Variants in EFR3A observed in about 807,000 individuals in gnomAD.
EFR3A encodes protein EFR3 homolog A.
EFR3A carries 76 observed loss-of-function variants against 104.4 expected under a neutral mutation model. The ratio of observed to expected loss-of-function variants is 0.73; its 90% confidence interval spans 0.60 to 0.88. The LOEUF (loss-of-function observed/expected upper bound fraction) is 0.88, where lower values mean the gene tolerates loss of function less well. Ranked by LOEUF, EFR3A falls within the 40% of genes least tolerant of loss-of-function variation. The probability of loss-of-function intolerance (pLI) is 0.00; values close to 1 mark genes in which losing one functional copy is unlikely to be tolerated. For missense variants in EFR3A, 985 were observed against 1,012.5 expected, an observed-to-expected ratio of 0.97 and a Z score of 0.37; for synonymous variants, 330 against 330.0, an observed-to-expected ratio of 1.00 and a Z score of 0.00.
chr8:131,975,412 A>ATTTTTTTTT (rs5895119), intron 10 of EFR3A, among the ~76,000 whole-genome samples: 1 of 111,158 alleles, frequency 9.0e-6, no homozygotes, highest in Non-Finnish European at 1.7e-5. Flanking sequence ...TTTTTTTCCT[A>ATTTTTTTTT]TTTTTTTTTT....
intron 6 of EFR3A, 74 bp from the exon 7 acceptor site, chr8:131,955,694 A>G (rs1818940514): frequency 6.8e-7 from 1 of 1,479,436 alleles, no homozygotes. Context: ...ATTTCTAAAA[A>G]GTAAAGTATA....
intron 1 of EFR3A, among the ~76,000 whole-genome samples, chr8:131,914,058 T>C (rs560306410): frequency 6.6e-6 from 1 of 152,282 alleles, no homozygotes; most frequent in South Asian, 2.1e-4. Context: ...TTTATGAACA[T>C]GTTGTTAGAA....
chr8:131,977,867 G>A (rs1202963858), intron 12 of EFR3A, among the ~76,000 whole-genome samples: 1 of 151,810 alleles, frequency 6.6e-6, no homozygotes, highest in Non-Finnish European at 1.5e-5. Flanking sequence ...TTTTTCATTT[G>A]TATCTTATAT....
chr8:131,921,694 T>C (rs576257188), intron 1 of EFR3A, among the ~76,000 whole-genome samples: 29 of 152,118 alleles, frequency 1.9e-4, no homozygotes, highest in Non-Finnish European at 2.9e-4. Context: ...ATTGGTAAAA[T>C]TGAACAAAAA....
At chr8:131,941,125 A>T (rs1490541560) in intron 2 of EFR3A, among the ~76,000 whole-genome samples, 1 of 152,108 alleles carries the variant, frequency 6.6e-6, no homozygotes, top group East Asian at 1.9e-4. Context: ...ATAAATAGGG[A>T]TTGACCACAC....
intron 4 of EFR3A, among the ~76,000 whole-genome samples, chr8:131,949,160 T>C (rs973509861): frequency 2.0e-5 from 3 of 152,090 alleles, no homozygotes; most frequent in African/African-American, 7.2e-5. Context: ...TAATACATAA[T>C]GGTAATACAT....
At chr8:131,941,040 G>T (rs999721806) in intron 2 of EFR3A, among the ~76,000 whole-genome samples, 2 of 152,034 alleles carry the variant, frequency 1.3e-5, no homozygotes, top group East Asian at 3.9e-4. Flanking sequence ...TCCTGGAGAA[G>T]ATAGGAGTGA....
chr8:131,930,376 A>G (rs1292644339), intron 1 of EFR3A, among the ~76,000 whole-genome samples: 1 of 151,982 alleles, frequency 6.6e-6, no homozygotes, highest in Non-Finnish European at 1.5e-5. Context: ...ATCCAAAGGT[A>G]TAACCTGTTC....
intron 8 of EFR3A, among the ~76,000 whole-genome samples, chr8:131,967,571 CAAAA>C (rs34303335): frequency 8.7e-6 from 1 of 114,340 alleles, no homozygotes; most frequent in Non-Finnish European, 1.9e-5. Flanking sequence ...TGCTGTTCTT[CAAAA>C]AAAAAAAAAA....
chr8:131,935,758 G>C (rs567992641), intron 1 of EFR3A, among the ~76,000 whole-genome samples: 2 of 152,142 alleles, frequency 1.3e-5, no homozygotes, highest in South Asian at 4.1e-4. Flanking sequence ...ATCCCAAGTA[G>C]CCAGTGGCAT....
intron 10 of EFR3A, among the ~76,000 whole-genome samples, chr8:131,973,516 G>T (rs1272255573): frequency 1.3e-5 from 2 of 152,074 alleles, no homozygotes; most frequent in South Asian, 4.1e-4. Context: ...TAACATGTAA[G>T]AATTTAAAAA....
Position 132,011,293 on chromosome 8 carries a change from TTTG to T in EFR3A, c.*407_*409del, listed in dbSNP as rs1822332908. The T allele has an allele frequency of 2.0e-6, 2 of 988,404 alleles. No homozygotes were observed. Among genetic ancestry groups the T allele is most frequent in the Non-Finnish European group, 1.2e-6 (1 of 831,674 alleles). The allele number at this position is 988,404 out of a possible 1,614,324, so 61.2% of individuals were successfully genotyped here. A position where few individuals can be genotyped will look rare whatever the true frequency, so the allele number is the denominator to read the frequency against. On this transcript the variant is annotated 3_prime_UTR_variant, in exon 23 of 23. Coordinates refer to ENST00000254624, the MANE Select transcript of EFR3A (RefSeq NM_015137.6). ...TACACAGCCGCTTAGATGTAGAATT[TTTG>T]TTGTTGTTTTCTGCAAAGGCAGATA...
intron 9 of EFR3A, 65 bp from the exon 10 acceptor site, chr8:131,970,411 G>A: frequency 7.0e-7 from 1 of 1,419,360 alleles, no homozygotes; most frequent in Non-Finnish European, 9.7e-7. Context: ...GGAGAAATAA[G>A]GTAATTGACT....
chr8:131,963,593 A>G (rs1248114574), intron 8 of EFR3A, among the ~76,000 whole-genome samples: 1 of 152,136 alleles, frequency 6.6e-6, no homozygotes, highest in Non-Finnish European at 1.5e-5. Flanking sequence ...CTTACCAACC[A>G]AAAAAAGTCC....
chr8:131,919,755 T>C (rs1379256998), intron 1 of EFR3A, among the ~76,000 whole-genome samples: 2 of 151,932 alleles, frequency 1.3e-5, no homozygotes, highest in African/African-American at 2.4e-5. Context: ...TTTTGGTTCA[T>C]TAGGACTCAA....
At chr8:131,917,735 G>A (rs1816812102) in intron 1 of EFR3A, among the ~76,000 whole-genome samples, 1 of 152,074 alleles carries the variant, frequency 6.6e-6, no homozygotes. Flanking sequence ...CAGAATTCCA[G>A]GTTCTTTGTG....
At chr8:131,938,822 C>G (rs1232025058) in intron 1 of EFR3A, among the ~76,000 whole-genome samples, 1 of 152,104 alleles carries the variant, frequency 6.6e-6, no homozygotes, top group Non-Finnish European at 1.5e-5. Flanking sequence ...ATTGGCCTCT[C>G]TAAGCTGGTT....
chr8:131,968,174 C>G (rs1819859003), intron 8 of EFR3A, 121 bp from the exon 9 acceptor site: 1 of 866,096 alleles, frequency 1.2e-6, no homozygotes, highest in African/African-American at 1.7e-5. Context: ...TTTATTGTCT[C>G]ATAACATGAC....
chr8:131,933,207 T>TA (rs1817703734), intron 1 of EFR3A, among the ~76,000 whole-genome samples: 1 of 152,194 alleles, frequency 6.6e-6, no homozygotes, highest in East Asian at 1.9e-4. Flanking sequence ...TTTGATTACT[T>TA]ACCTCTGTAG....
Sources: allele counts gnomAD v4.1 joint callset (sites outside exome capture counted in the v4.1 genomes callset), GRCh38; gene constraint gnomAD v4.1.1; transcripts MANE v1.5; gene names NCBI Gene and HGNC (gene_info 2026-07-23, HGNC 2026-07-21).